The following PUS1 variants were observed in gnomAD, a reference collection of about 807,000 sequenced individuals.
The protein encoded by PUS1 is pseudouridylate synthase 1 homolog.
PUS1 carries 25 observed loss-of-function variants against 38.5 expected under a neutral mutation model. That is an observed-to-expected ratio of 0.65 (90% CI 0.47 to 0.91). PUS1 has a LOEUF of 0.91. Ranked by LOEUF, PUS1 falls within the 40% of genes least tolerant of loss-of-function variation. PUS1 has a pLI of 0.00. For synonymous variants in PUS1, 282 were observed against 260.4 expected, an observed-to-expected ratio of 1.08 and a Z score of -0.80; for missense variants, 597 against 612.3, an observed-to-expected ratio of 0.97 and a Z score of 0.26.
At chr12:131,936,176 A>G (rs1015349817) in intron 3 of PUS1, among the ~76,000 whole-genome samples, 1 of 151,454 alleles carries the variant, frequency 6.6e-6, no homozygotes, top group African/African-American at 2.4e-5. Flanking sequence ...GTGCCACTGC[A>G]CTGCAGCCCG....
chr12:131,931,653 C>G (rs1036479681), intron 2 of PUS1: 1 of 175,164 alleles, frequency 5.7e-6, no homozygotes, highest in Admixed American at 5.5e-5. Context: ...TTCCCAGGTT[C>G]AAGCGATTCT....
rs1278113974 is a variant in PUS1, at chr12:131,932,170, TC to T, written c.304-3del. 1.2e-6 allele frequency: 2 copies of T among 1,613,926 alleles called. No individual in the cohort carries two copies. The stretch of plus-strand genomic sequence containing the variant: ...ATAAAATCTGTTTTTGTCTCCTTTT[TC>T]CAGAGGAATGTCGGGTCCTCACAAT... On this transcript the variant is annotated splice_region_variant and splice_polypyrimidine_tract_variant and intron_variant, in intron 2 of 5. Transcript: ENST00000376649.
chr12:131,930,985 T>A (rs2136430824), intron 2 of PUS1, among the ~76,000 whole-genome samples: 1 of 152,330 alleles, frequency 6.6e-6, no homozygotes, highest in African/African-American at 2.4e-5. Context: ...CTTTTGTTCC[T>A]TTTTGTAGTT....
chr12:131,941,849 T>C lies in PUS1; in HGVS notation c.1102T>C (p.Phe368Leu), dbSNP rs755892667. The C allele has an allele frequency of 1.2e-6, 2 of 1,613,834 alleles. No individual in the cohort carries two copies. Among genetic ancestry groups the C allele is most frequent in the Admixed American group, 1.7e-5 (1 of 59,994 alleles). The stretch of plus-strand genomic sequence containing the variant: ...GCAGGAGGAAGGAAAGGTCGCAGCC[T>C]TCAAGGAGGAGCACATCTACCCCAC... ...WAQEEGKVAA[F>L]KEEHIYPTII... The change falls in exon 5 of 6, where the codon TTC (phenylalanine) becomes CTC (leucine). Residue 368 changes from phenylalanine (F) to leucine (L), a missense_variant. Coordinates refer to ENST00000376649, the MANE Select transcript of PUS1 (RefSeq NM_025215.6). The surrounding 1 kb of genome is among the most constrained non-coding windows in gnomAD (Gnocchi z 4.4).
At chr12:131,938,630 C>G (rs1890931770) in intron 3 of PUS1, among the ~76,000 whole-genome samples, 1 of 152,156 alleles carries the variant, frequency 6.6e-6, no homozygotes, top group Admixed American at 6.5e-5. Context: ...AGTTCTGACT[C>G]AGGTGGGGAC....
Position 131,943,893 on chromosome 12 carries a change from C to T in PUS1, c.*307C>T. Reference sequence around the variant, plus strand: ...TTGCCTTTTTCTTAGTCTTTTTTAACATTTTTTTCGTCCACAGAGATGAGC... The same window carrying T: ...TTGCCTTTTTCTTAGTCTTTTTTAATATTTTTTTCGTCCACAGAGATGAGC... On this transcript the variant is annotated 3_prime_UTR_variant, in exon 6 of 6. Transcript: ENST00000376649. The T allele has an allele frequency of 2.6e-6, 1 of 379,584 alleles. No homozygotes were observed. The highest frequency in any genetic ancestry group is 6.2e-5 in the East Asian group (1 of 16,236). The allele number at this position is 379,584 out of a possible 1,614,324, so 23.5% of individuals were successfully genotyped here.
intron 3 of PUS1, chr12:131,932,586 G>T: frequency 1.8e-6 from 1 of 552,954 alleles, no homozygotes; most frequent in Non-Finnish European, 3.3e-6. Context: ...ATTCTTGCAG[G>T]TGGCACAGTG....
At chr12:131,940,639 G>C (rs994886870) in intron 4 of PUS1, among the ~76,000 whole-genome samples, 2 of 152,058 alleles carry the variant, frequency 1.3e-5, no homozygotes, top group Non-Finnish European at 2.9e-5. Context: ...GTGCAGTGGC[G>C]TGATCTCGGC....
intron 3 of PUS1, among the ~76,000 whole-genome samples, chr12:131,936,383 C>T (rs1326776831): frequency 6.7e-6 from 1 of 150,100 alleles, no homozygotes; most frequent in Admixed American, 6.6e-5. Context: ...GTCAATATGG[C>T]GAAACCCCGT....
chr12:131,939,268 G>A lies in PUS1; in HGVS notation c.537G>A (p.Arg179=). 2 of 1,554,990 alleles carry A rather than the reference G, an allele frequency of 1.3e-6. No homozygotes were observed. The highest frequency in any genetic ancestry group is 1.2e-5 in the South Asian group (1 of 84,702). The part of the protein sequence containing the change: ...KINSHLPSHI[R]ILGLKRVTGG... ...ACAGCCACCTTCCCTCTCACATTCG[G>A]ATTCTGGGTAAGCCTTGCAGTGCAG... Residue 179 remains arginine, a synonymous_variant, in exon 4 of 6, where the codon CGG becomes CGA. Coordinates refer to ENST00000376649, the MANE Select transcript of PUS1 (RefSeq NM_025215.6).
chr12:131,930,133 C>T lies in PUS1; in HGVS notation c.301C>T (p.Gln101Ter), dbSNP rs1048018914. 2.1e-6 allele frequency: 3 copies of T among 1,423,126 alleles called. No homozygotes were observed. Among genetic ancestry groups the T allele is most frequent in the African/African-American group, 1.5e-5 (1 of 67,550 alleles). The allele number at this position is 1,423,126 out of a possible 1,614,324, so 88.2% of individuals were successfully genotyped here. The part of the protein sequence containing the change: ...AYSGKGYHGM[Q>*]RNVGSSQFKT... ...TTCGGGCAAGGGCTACCACGGCATG[C>T]AGGTGTGGCCGCCCGGGAAGCGGCA... Residue 101 changes from glutamine (Q) to a stop codon, truncating the protein, a stop_gained and splice_region_variant, in exon 2 of 6, where the codon CAG (glutamine) becomes TAG (stop). Coordinates refer to ENST00000376649, the MANE Select transcript of PUS1 (RefSeq NM_025215.6). LOFTEE classifies it high-confidence loss of function.
intron 4 of PUS1, chr12:131,940,981 C>A: frequency 2.5e-6 from 1 of 408,102 alleles, no homozygotes; most frequent in Non-Finnish European, 4.5e-6. Context: ...ATAATATATC[C>A]ATCACTCCAA....
chr12:131,931,851 TG>T (rs752925243), intron 2 of PUS1: 15 of 558,290 alleles, frequency 2.7e-5, no homozygotes, highest in Non-Finnish European at 4.8e-5. Flanking sequence ...TTATAGTCAA[TG>T]TTTTTTTTTT....
At chr12:131,930,793 A>AT (rs1211639099) in intron 2 of PUS1, among the ~76,000 whole-genome samples, 3 of 151,680 alleles carry the variant, frequency 2.0e-5, no homozygotes, top group Non-Finnish European at 4.4e-5. Context: ...GGCCTGAATA[A>AT]TTTTTTTTAT....
In PUS1 at chr12:131,939,104, C is replaced by T. The variant is rs1170001799; in HGVS notation, c.442-69C>T. ...ATGACGTAAGGTCCGCGTAGTCCTT[C>T]TTTCTCAGAGACCAGCGTGCGAGGC... is the stretch of plus-strand genomic sequence containing the variant. On this transcript the variant is annotated intron_variant, in intron 3 of 5. Transcript: ENST00000376649. 4.0e-6 allele frequency: 4 copies of T among 1,006,662 alleles called. No individual in the cohort carries two copies. The African/African-American group carries it at 6.4e-5, about 16-fold the overall frequency. The allele number at this position is 1,006,662 out of a possible 1,614,324, so 62.4% of individuals were successfully genotyped here.
At chr12:131,932,599 G>A (rs1890654123) in intron 3 of PUS1, 5 of 538,578 alleles carry the variant, frequency 9.3e-6, no homozygotes, top group South Asian at 2.0e-5. Context: ...GCACAGTGGC[G>A]GCCGCAATGT....
Position 131,939,178 on chromosome 12 carries a change from G to A in PUS1, c.447G>A (p.Val149=), listed in dbSNP as rs1890961019. ...FQRCARTDKG[V]SAAGQVVSLK... ...CCGTTCTGCTTTGTTTACAGGGTGT[G>A]TCCGCAGCCGGCCAGGTGGTATCCC... The change falls in exon 4 of 6, where the codon GTG becomes GTA. Residue 149 remains valine (V), a synonymous_variant. Coordinates refer to ENST00000376649, the MANE Select transcript of PUS1 (RefSeq NM_025215.6). The A allele has an allele frequency of 1.3e-6, 2 of 1,556,788 alleles. No homozygotes were observed. Among genetic ancestry groups the A allele is most frequent in the Admixed American group, 1.9e-5 (1 of 52,676 alleles).
chr12:131,929,925 G>A lies in PUS1; in HGVS notation c.93G>A (p.Gly31=). 6.8e-7 allele frequency: 1 copy of A among 1,478,264 alleles called. No homozygotes were observed. 91.6% of individuals were successfully genotyped at this position (1,478,264 alleles called of 1,614,324 possible). ...PRPSCSPRMA[G]NAEPPPAGAA... ...TCCGCAGCTCGCCGCGCATGGCCGGGAACGCGGAGCCGCCGCCCGCCGGAG... is the reference window on the plus strand; with the variant it reads ...TCCGCAGCTCGCCGCGCATGGCCGGAAACGCGGAGCCGCCGCCCGCCGGAG... The change falls in exon 2 of 6, where the codon GGG becomes GGA. Residue 31 remains glycine (G), a synonymous_variant. Transcript: ENST00000376649.
intron 3 of PUS1, among the ~76,000 whole-genome samples, chr12:131,936,866 CA>C (rs113924882): frequency 0.27 from 35,629 of 133,430 alleles, 6,910 homozygotes; most frequent in African/African-American, 0.57. Flanking sequence ...TCCAGCCTGG[CA>C]AAAAAAAAAA....
Sources: allele counts gnomAD v4.1 joint callset (sites outside exome capture counted in the v4.1 genomes callset), GRCh38; gene constraint gnomAD v4.1.1; non-coding constraint Gnocchi (gnomAD v3.1); transcripts MANE v1.5; gene names NCBI Gene and HGNC (gene_info 2026-07-23, HGNC 2026-07-21).